SIPA1L1: variants seen among roughly 807,000 people sequenced by gnomAD.
SIPA1L1 encodes signal induced proliferation associated 1 like 1.
In SIPA1L1, 26 loss-of-function variants were observed where a neutral mutation model predicts 162.7. That is an observed-to-expected ratio of 0.16 (90% CI 0.12 to 0.22). The LOEUF (loss-of-function observed/expected upper bound fraction) is 0.22, where lower values mean the gene tolerates loss of function less well. SIPA1L1 is among the 10% of genes least tolerant of loss of function. The probability of loss-of-function intolerance (pLI) is 1.00; values close to 1 mark genes in which losing one functional copy is unlikely to be tolerated. For synonymous variants in SIPA1L1, 829 were observed against 837.4 expected, an observed-to-expected ratio of 0.99 and a Z score of 0.17; for missense variants, 1,874 against 2,241.0, an observed-to-expected ratio of 0.84 and a Z score of 3.31.
chr14:71,731,878 C>T (rs977144798), intron 20 of SIPA1L1, among the ~76,000 whole-genome samples: 9 of 152,230 alleles, frequency 5.9e-5, no homozygotes, highest in Admixed American at 2.0e-4. Flanking sequence ...CCTAACCAGG[C>T]AGTCCTCATT....
At chr14:71,684,490 A>G (rs1326531820) in intron 12 of SIPA1L1, among the ~76,000 whole-genome samples, 4 of 152,276 alleles carry the variant, frequency 2.6e-5, no homozygotes, top group Admixed American at 6.5e-5. Context: ...GACAGGAGGC[A>G]TGTGGCTACA....
intron 6 of SIPA1L1, among the ~76,000 whole-genome samples, chr14:71,623,352 A>G (rs938676001): frequency 6.6e-6 from 1 of 152,248 alleles, no homozygotes; most frequent in Admixed American, 6.5e-5. Flanking sequence ...TTTGGAAATT[A>G]AGACTACTTT....
chr14:71,444,106 A>G (rs1344296585), intron 2 of SIPA1L1, among the ~76,000 whole-genome samples: 2 of 152,218 alleles, frequency 1.3e-5, no homozygotes, highest in Non-Finnish European at 1.5e-5. Context: ...ACATTTGTGA[A>G]GGTTAGATGT....
intron 4 of SIPA1L1, among the ~76,000 whole-genome samples, chr14:71,558,067 T>G (rs1193273837): frequency 6.6e-6 from 1 of 152,204 alleles, no homozygotes; most frequent in African/African-American, 2.4e-5. Flanking sequence ...AAATATTTTA[T>G]TGAATTTAAA....
chr14:71,486,494 A>G (rs1425323905), intron 2 of SIPA1L1, among the ~76,000 whole-genome samples: 1 of 152,244 alleles, frequency 6.6e-6, no homozygotes, highest in African/African-American at 2.4e-5. Context: ...GGCCACTGCT[A>G]TCTTCAAGGG....
At chr14:71,474,459 A>G (rs542620111) in intron 2 of SIPA1L1, among the ~76,000 whole-genome samples, 104 of 152,268 alleles carry the variant, frequency 6.8e-4, no homozygotes, top group Non-Finnish European at 8.4e-4. Context: ...AATTCATTCT[A>G]TTCTGCAGCT....
chr14:71,655,872 T>A (rs1199370232), intron 8 of SIPA1L1, among the ~76,000 whole-genome samples: 1 of 152,152 alleles, frequency 6.6e-6, no homozygotes, highest in Non-Finnish European at 1.5e-5. Context: ...GATATTAGTC[T>A]TTTGTTGGGT....
At chr14:71,704,660 C>A in intron 15 of SIPA1L1, 2 of 1,301,604 alleles carry the variant, frequency 1.5e-6, no homozygotes, top group Non-Finnish European at 1.1e-6. Context: ...AGCTTGGAGT[C>A]CAAAAGGAAG....
intron 7 of SIPA1L1, among the ~76,000 whole-genome samples, chr14:71,629,385 C>A (rs959019306): frequency 2.6e-5 from 4 of 152,176 alleles, no homozygotes; most frequent in Non-Finnish European, 4.4e-5. Flanking sequence ...AGACCAGTCA[C>A]AATTAGAGTC....
In SIPA1L1 at chr14:71,685,353, C is replaced by T; in HGVS notation, c.3105-9C>T. 1.2e-6 allele frequency: 2 copies of T among 1,613,492 alleles called. No homozygotes were observed. Among genetic ancestry groups the T allele is most frequent in the Non-Finnish European group, 1.7e-6 (2 of 1,179,522 alleles). On this transcript the variant is annotated splice_polypyrimidine_tract_variant and intron_variant, in intron 12 of 23. Transcript: ENST00000381232. ...CATTGTGTTTCTCCCTGTGCCTTGC[C>T]CCTAATAGGAGTTGCTCTGAAACCT...
intron 12 of SIPA1L1, 135 bp downstream of exon 12, chr14:71,672,757 C>A: frequency 2.0e-6 from 2 of 1,002,086 alleles, no homozygotes; most frequent in Non-Finnish European, 2.9e-6. Flanking sequence ...AATGTTTCAT[C>A]CATGGAGTCT....
At chr14:71,717,663 G>C (rs1408920519) in intron 17 of SIPA1L1, among the ~76,000 whole-genome samples, 1 of 152,198 alleles carries the variant, frequency 6.6e-6, no homozygotes, top group African/African-American at 2.4e-5. Context: ...CTTCATGGTA[G>C]TTGTATTGTA....
At chr14:71,695,891 C>T (rs2081589715) in intron 13 of SIPA1L1, among the ~76,000 whole-genome samples, 1 of 152,176 alleles carries the variant, frequency 6.6e-6, no homozygotes, top group Non-Finnish European at 1.5e-5. Context: ...TTCCTTAAGC[C>T]TTACTTGGTT....
chr14:71,537,376 A>AT (rs2053993729), intron 4 of SIPA1L1, among the ~76,000 whole-genome samples: 3 of 151,084 alleles, frequency 2.0e-5, no homozygotes, highest in African/African-American at 2.4e-5. Context: ...AATTTTTGGT[A>AT]TTTTTTTTAG....
chr14:71,436,581 A>G (rs1200433067), intron 2 of SIPA1L1, among the ~76,000 whole-genome samples: 1 of 152,014 alleles, frequency 6.6e-6, no homozygotes, highest in Admixed American at 6.6e-5. Context: ...TGTTGTATCC[A>G]TTGATTTGAT....
Position 71,730,109 on chromosome 14 carries a change from C to A in SIPA1L1, c.4669C>A (p.Arg1557=), listed in dbSNP as rs756364674. ...TTTCCCCAGCACCCCCACCTCACGG[C>A]GGGCCTTGCACAGAACACTGTCGGA... The part of the protein sequence containing the change: ...SPFPSTPTSR[R]ALHRTLSDES... The change falls in exon 20 of 24, where the codon CGG becomes AGG. Residue 1557 remains arginine, a synonymous_variant. Coordinates refer to ENST00000381232, the MANE Select transcript of SIPA1L1 (RefSeq NM_001386936.1). The A allele has an allele frequency of 1.1e-5, 17 of 1,614,000 alleles. No homozygotes were observed. Among genetic ancestry groups the A allele is most frequent in the Non-Finnish European group, 1.4e-5 (16 of 1,179,984 alleles).
At chr14:71,685,036 G>C (rs553038705) in intron 12 of SIPA1L1, among the ~76,000 whole-genome samples, 1 of 152,176 alleles carries the variant, frequency 6.6e-6, no homozygotes, top group East Asian at 1.9e-4. Context: ...GTATGCCCCC[G>C]TCATGCTGTC....
At chr14:71,504,547 C>T (rs2050501184) in intron 2 of SIPA1L1, among the ~76,000 whole-genome samples, 1 of 151,940 alleles carries the variant, frequency 6.6e-6, no homozygotes, top group Admixed American at 6.6e-5. Context: ...TAAAAGATAC[C>T]TTCTATTGTA....
intron 2 of SIPA1L1, among the ~76,000 whole-genome samples, chr14:71,509,682 T>G (rs1030924867): frequency 6.7e-6 from 1 of 149,578 alleles, no homozygotes; most frequent in Non-Finnish European, 1.5e-5. Flanking sequence ...AGGCGGAGGT[T>G]GCAGTGAACT....
Sources: gnomAD v4.1 joint callset for allele counts (sites outside exome capture counted in the v4.1 genomes callset) on GRCh38, gnomAD v4.1.1 for gene constraint, MANE v1.5 for transcripts, NCBI Gene and HGNC (gene_info 2026-07-23, HGNC 2026-07-21) for gene names.